Variants in HAUS6 observed in about 807,000 individuals in gnomAD.
HAUS6 encodes HAUS augmin-like complex subunit 6.
A neutral mutation model predicts 106.8 loss-of-function variants in HAUS6; 80 were observed. The observed-to-expected ratio is 0.75, with a 90% confidence interval of 0.63 to 0.90. The LOEUF is 0.90. HAUS6 is among the 40% of genes least tolerant of loss of function. The pLI is 0.00. For synonymous variants in HAUS6, 356 were observed against 379.1 expected (o/e 0.94, Z 0.71); for missense variants, 1,155 against 1,118.1 (o/e 1.03, Z -0.47).
At chr9:19,089,246 G>C (rs1817694121) in intron 5 of HAUS6, among the ~76,000 whole-genome samples, 166 bp downstream of exon 5, 1 of 150,580 alleles carries the variant, frequency 6.6e-6, no homozygotes, top group South Asian at 2.1e-4. Flanking sequence ...ACCAGACCCT[G>C]TCTCAGATAG....
intron 9 of HAUS6, 59 bp downstream of exon 9, chr9:19,080,420 T>C: frequency 9.3e-7 from 1 of 1,070,906 alleles, no homozygotes; most frequent in Non-Finnish European, 1.4e-6. Flanking sequence ...TTATACAAGT[T>C]TTGTTGAGAA....
At chr9:19,094,113 G>GGAAC (rs1817811015) in intron 3 of HAUS6, among the ~76,000 whole-genome samples, 1 of 152,142 alleles carries the variant, frequency 6.6e-6, no homozygotes, top group African/African-American at 2.4e-5. Context: ...CCTATTTTCA[G>GGAAC]TACACCTGGC....
At chr9:19,067,289 G>A (rs1003506274) in intron 12 of HAUS6, among the ~76,000 whole-genome samples, 6 of 152,148 alleles carry the variant, frequency 3.9e-5, no homozygotes, top group South Asian at 2.1e-4. Context: ...GTCCACCTAT[G>A]TTACATATTA....
chr9:19,074,960 A>G (rs934949506), intron 11 of HAUS6, among the ~76,000 whole-genome samples: 20 of 152,218 alleles, frequency 1.3e-4, no homozygotes, highest in Non-Finnish European at 2.6e-4. Flanking sequence ...AGCATTACTC[A>G]TAATAGTCAA....
chr9:19,086,098 G>C (rs1837288414), intron 7 of HAUS6, among the ~76,000 whole-genome samples: 1 of 151,796 alleles, frequency 6.6e-6, no homozygotes, highest in Non-Finnish European at 1.5e-5. Context: ...GATCACCTGA[G>C]GTCAGGAGTT....
rs762268231 is a variant in HAUS6 at position 19,076,714 on chromosome 9, G to A, written c.1192-10C>T. The stretch of plus-strand genomic sequence containing the variant: ...GTAAAAGATCTACAGACTTAAAACA[G>A]AAAATTCACAATTTTGAAGTAAACA... On this transcript the variant is annotated splice_polypyrimidine_tract_variant and intron_variant, in intron 10 of 16. Transcript: ENST00000380502. The A allele has an allele frequency of 3.9e-5, 50 of 1,278,734 alleles. No individual in the cohort carries two copies. Among genetic ancestry groups the A allele is most frequent in the Non-Finnish European group, 5.2e-5 (46 of 878,984 alleles). 79.2% of individuals were successfully genotyped at this position (1,278,734 alleles called of 1,614,324 possible). A position where few individuals can be genotyped will look rare whatever the true frequency, so the allele number is the denominator to read the frequency against.
At position 19,094,844 on chromosome 9, in the gene HAUS6, G is replaced by A. The variant is rs1486282255; in HGVS notation, c.225-449C>T. ...CTAACCTTCTTAGATAACAGCTAGA[G>A]AGACACCAACCTGTGAGAAATTTAA... On this transcript the variant is annotated intron_variant, in intron 2 of 16. Coordinates refer to ENST00000380502, the MANE Select transcript of HAUS6 (RefSeq NM_017645.5). Among the ~76,000 whole-genome samples, 3 of 152,074 alleles carry A rather than the reference G, an allele frequency of 2.0e-5. No homozygotes were observed. In the East Asian group the frequency reaches 5.8e-4, roughly 29 times the overall value.
rs992500099 is a variant in HAUS6, at chr9:19,053,665, C to T, written c.*2678G>A. Reference sequence around the variant, plus strand: ...AAGCTGATGTATGTCAGTTTATATACCTTTGTATCTTACAAATAGTAAAAC... The same window carrying T: ...AAGCTGATGTATGTCAGTTTATATATCTTTGTATCTTACAAATAGTAAAAC... On this transcript the variant is annotated 3_prime_UTR_variant, in exon 17 of 17. Transcript: ENST00000380502. 2 of 152,096 alleles carry T rather than the reference C, an allele frequency of 1.3e-5. No homozygotes were observed. The highest frequency in any genetic ancestry group is 4.8e-5 in the African/African-American group (2 of 41,424). 9.4% of individuals were successfully genotyped at this position (152,096 alleles called of 1,614,324 possible). A position where few individuals can be genotyped will look rare whatever the true frequency, so the allele number is the denominator to read the frequency against.
At position 19,063,500 on chromosome 9, in the gene HAUS6, AT is replaced by A; in HGVS notation, c.1443+13del. 2 of 1,376,918 alleles carry A rather than the reference AT, an allele frequency of 1.5e-6. No homozygotes were observed. Among genetic ancestry groups the A allele is most frequent in the Non-Finnish European group, 2.1e-6 (2 of 972,976 alleles). The allele number at this position is 1,376,918 out of a possible 1,614,324, so 85.3% of individuals were successfully genotyped here. On this transcript the variant is annotated intron_variant, in intron 13 of 16. Transcript: ENST00000380502. ...TATGGTCCAGAATTAATTGAGACTT[AT>A]TTTAAAATATACCTTTTCAAGTACT...
intron 14 of HAUS6, among the ~76,000 whole-genome samples, chr9:19,061,645 G>A (rs573177070): frequency 2.6e-5 from 4 of 152,212 alleles, no homozygotes; most frequent in African/African-American, 7.2e-5. Context: ...GACCAACCTG[G>A]GCAAAAGAGT....
At chr9:19,072,486 C>T (rs895622158) in intron 11 of HAUS6, among the ~76,000 whole-genome samples, 3 of 151,030 alleles carry the variant, frequency 2.0e-5, no homozygotes, top group African/African-American at 7.3e-5. Flanking sequence ...ACACTCAAGC[C>T]TGGGTAATAA....
chr9:19,085,735 G>C (rs540930063), intron 7 of HAUS6, among the ~76,000 whole-genome samples: 8 of 151,824 alleles, frequency 5.3e-5, no homozygotes, highest in Non-Finnish European at 1.0e-4. Context: ...GACTCATTTT[G>C]ATTCCTCATT....
intron 5 of HAUS6, 61 bp downstream of exon 5, chr9:19,089,351 A>G: frequency 9.5e-7 from 1 of 1,056,712 alleles, no homozygotes; most frequent in Admixed American, 1.8e-5. Flanking sequence ...TCCTGACATT[A>G]TATTGGTGAC....
At chr9:19,073,827 TAA>T (rs1836929430) in intron 11 of HAUS6, 2 of 152,172 alleles carry the variant, frequency 1.3e-5, no homozygotes, top group Admixed American at 6.6e-5. Context: ...TTTATTTTTT[TAA>T]GAGACAGGGT....
intron 16 of HAUS6, chr9:19,057,369 G>A (rs1291348420): frequency 6.6e-6 from 1 of 152,354 alleles, no homozygotes; most frequent in African/African-American, 2.4e-5. Context: ...AATGCCTGGT[G>A]CTACCAGAGG....
At chr9:19,086,832 A>G (rs1441290397) in intron 6 of HAUS6, 50 bp from the exon 7 acceptor site, 2 of 789,848 alleles carry the variant, frequency 2.5e-6, no homozygotes, top group East Asian at 5.3e-5. Context: ...TCACATGGTA[A>G]TTTAATATCC....
intron 1 of HAUS6, 21 bp from the exon 2 acceptor site, chr9:19,096,790 A>C (rs1564022542): frequency 8.5e-7 from 1 of 1,179,530 alleles, no homozygotes; most frequent in Non-Finnish European, 1.2e-6. Context: ...AAAATGAAAT[A>C]GAAATAGAAA....
Position 19,056,334 on chromosome 9 carries a change from G to A in HAUS6, c.*9C>T. On this transcript the variant is annotated 3_prime_UTR_variant, in exon 17 of 17. Coordinates refer to ENST00000380502, the MANE Select transcript of HAUS6 (RefSeq NM_017645.5). ...AAGTGCATCATAGTTATATTAAATGGGTACGTCTTCATCTTGTCAAGTCAG... is the reference window on the plus strand; with the variant it reads ...AAGTGCATCATAGTTATATTAAATGAGTACGTCTTCATCTTGTCAAGTCAG... 8.0e-7 allele frequency: 1 copy of A among 1,247,744 alleles called. No individual in the cohort carries two copies. Among genetic ancestry groups the A allele is most frequent in the Non-Finnish European group, 1.2e-6 (1 of 848,112 alleles). 77.3% of individuals were successfully genotyped at this position (1,247,744 alleles called of 1,614,324 possible). A position where few individuals can be genotyped will look rare whatever the true frequency, so the allele number is the denominator to read the frequency against.
At position 19,055,531 on chromosome 9, in the gene HAUS6, C is replaced by T. The variant is rs1421554231; in HGVS notation, c.*812G>A. On this transcript the variant is annotated 3_prime_UTR_variant, in exon 17 of 17. Coordinates refer to ENST00000380502, the MANE Select transcript of HAUS6 (RefSeq NM_017645.5). ...CTCACAAAAAAACCCAACAACAAAA[C>T]AGACTAATGAAAATTTTAATTTATA... The T allele has an allele frequency of 2.6e-5, 4 of 152,130 alleles. No homozygotes were observed. The highest frequency in any genetic ancestry group is 6.5e-5 in the Admixed American group (1 of 15,274). 9.4% of individuals were successfully genotyped at this position (152,130 alleles called of 1,614,324 possible).
Sources: allele counts gnomAD v4.1 joint callset (sites outside exome capture counted in the v4.1 genomes callset), GRCh38; gene constraint gnomAD v4.1.1; transcripts MANE v1.5; gene names NCBI Gene and HGNC (gene_info 2026-07-23, HGNC 2026-07-21).